SERPINI1: variants seen among roughly 807,000 people sequenced by gnomAD.
SERPINI1 encodes serpin family I member 1, also known as neuroserpin.
Under a neutral mutation model 41.1 loss-of-function variants are expected in SERPINI1, and 19 were observed. That is an observed-to-expected ratio of 0.46 (90% CI 0.32 to 0.68). The LOEUF (loss-of-function observed/expected upper bound fraction) is 0.68. Ranked by LOEUF, SERPINI1 falls within the 30% of genes least tolerant of loss-of-function variation. The probability of loss-of-function intolerance (pLI) is 0.03; values close to 1 mark genes in which losing one functional copy is unlikely to be tolerated. For missense variants in SERPINI1, 460 were observed against 479.2 expected, an observed-to-expected ratio of 0.96 and a Z score of 0.37; for synonymous variants, 138 against 156.6, an observed-to-expected ratio of 0.88 and a Z score of 0.89.
chr3:167,767,341 G>A (rs1726600234), intron 1 of SERPINI1, among the ~76,000 whole-genome samples: 1 of 152,084 alleles, frequency 6.6e-6, no homozygotes, highest in Non-Finnish European at 1.5e-5. Context: ...GGAAAAACAG[G>A]TTCCTTTCAA....
At chr3:167,778,369 C>T (rs1727023680) in intron 1 of SERPINI1, among the ~76,000 whole-genome samples, 1 of 152,132 alleles carries the variant, frequency 6.6e-6, no homozygotes, top group Non-Finnish European at 1.5e-5. Flanking sequence ...CTCAAATTTG[C>T]CTTCCTGAGA....
chr3:167,787,794 C>T lies in SERPINI1; in HGVS notation c.-18-1317C>T, dbSNP rs79430694. On this transcript the variant is annotated intron_variant, in intron 1 of 8. Coordinates refer to ENST00000446050, the MANE Select transcript of SERPINI1 (RefSeq NM_001122752.2). Reference sequence around the variant, plus strand: ...CGTTGGAACTTTTCAGACAAAAAAACTGTTGCTTCTAACATGAAAATGTGA... The same window carrying T: ...CGTTGGAACTTTTCAGACAAAAAAATTGTTGCTTCTAACATGAAAATGTGA... Among the ~76,000 whole-genome samples, 662 of 152,302 alleles carry T rather than the reference C, an allele frequency of 4.3e-3. 6 individuals are homozygous for T. Among genetic ancestry groups the T allele is most frequent in the South Asian group, 8.5e-3 (41 of 4,822 alleles).
At chr3:167,760,191 C>G (rs568138738) in intron 1 of SERPINI1, among the ~76,000 whole-genome samples, 15 of 152,116 alleles carry the variant, frequency 9.9e-5, no homozygotes, top group African/African-American at 3.4e-4. Context: ...TTAGGAATAT[C>G]ATTCTAAGTA....
Position 167,799,067 on chromosome 3 carries a change from A to G in SERPINI1, c.881+4243A>G, listed in dbSNP as rs900707365. Among the ~76,000 whole-genome samples, 5 of 152,096 alleles carry G rather than the reference A, an allele frequency of 3.3e-5. No homozygotes were observed. The South Asian group carries it at 1.0e-3, about 32-fold the overall frequency. On this transcript the variant is annotated intron_variant, in intron 5 of 8. Transcript: ENST00000446050. ...TTTTGAGCTTTCTCTTTATACTTCA[A>G]GTTCTGGGATACATGTGCAGAACAT...
intron 1 of SERPINI1, among the ~76,000 whole-genome samples, chr3:167,761,517 C>T (rs1366758141): frequency 6.6e-6 from 1 of 152,122 alleles, no homozygotes; most frequent in African/African-American, 2.4e-5. Flanking sequence ...TACCTTAACC[C>T]ACCCTCCAAC....
At chr3:167,778,636 G>T (rs902713507) in intron 1 of SERPINI1, among the ~76,000 whole-genome samples, 2 of 152,186 alleles carry the variant, frequency 1.3e-5, no homozygotes, top group Non-Finnish European at 2.9e-5. Flanking sequence ...TGATAATAGT[G>T]ATGTGATTTA....
At chr3:167,757,875 C>T (rs1489633081) in intron 1 of SERPINI1, among the ~76,000 whole-genome samples, 3 of 152,102 alleles carry the variant, frequency 2.0e-5, no homozygotes, top group Non-Finnish European at 2.9e-5. Context: ...GCCGAGATCA[C>T]GCCACTACAC....
chr3:167,793,831 C>CGTGTGTGTGTGTGTGT (rs753115772), intron 4 of SERPINI1, among the ~76,000 whole-genome samples: 3 of 110,570 alleles, frequency 2.7e-5, no homozygotes, highest in East Asian at 4.6e-4. Context: ...TCATTTTGGC[C>CGTGTGTGTGTGTGTGT]ATATGTATGT....
At chr3:167,793,832 A>ATGTGTGTG (rs1727619223) in intron 4 of SERPINI1, among the ~76,000 whole-genome samples, 1 of 122,284 alleles carries the variant, frequency 8.2e-6, no homozygotes, top group Non-Finnish European at 1.7e-5. Context: ...CATTTTGGCC[A>ATGTGTGTG]TATGTATGTG....
intron 5 of SERPINI1, among the ~76,000 whole-genome samples, chr3:167,796,408 C>T: frequency 6.8e-6 from 1 of 147,752 alleles, no homozygotes; most frequent in East Asian, 2.0e-4. Flanking sequence ...AGGTTTGTTA[C>T]ATAGGTAAAC....
intron 1 of SERPINI1, among the ~76,000 whole-genome samples, chr3:167,766,609 C>T (rs1726577350): frequency 6.6e-6 from 1 of 152,174 alleles, no homozygotes; most frequent in African/African-American, 2.4e-5. Flanking sequence ...AAGGAGCAAG[C>T]CAAGTCGTGA....
At chr3:167,761,999 A>G (rs569894858) in intron 1 of SERPINI1, among the ~76,000 whole-genome samples, 92 of 152,220 alleles carry the variant, frequency 6.0e-4, no homozygotes, top group African/African-American at 2.1e-3. Flanking sequence ...CTTTCCCTAT[A>G]AGTAGAATGC....
chr3:167,799,149 C>T (rs757677829), intron 5 of SERPINI1, among the ~76,000 whole-genome samples: 2 of 151,314 alleles, frequency 1.3e-5, no homozygotes, highest in Admixed American at 1.3e-4. Flanking sequence ...CCCATCAACC[C>T]ATCACCTACA....
intron 1 of SERPINI1, among the ~76,000 whole-genome samples, chr3:167,746,065 TCA>T (rs1204599855): frequency 6.6e-6 from 1 of 152,138 alleles, no homozygotes; most frequent in Non-Finnish European, 1.5e-5. Context: ...AACTTAGGAC[TCA>T]CATAGAAATG....
intron 1 of SERPINI1, among the ~76,000 whole-genome samples, chr3:167,753,687 A>G (rs553078229): frequency 3.9e-4 from 60 of 152,220 alleles, no homozygotes; most frequent in Non-Finnish European, 7.5e-4. Context: ...CATGAAGAAT[A>G]TATCATATTC....
chr3:167,767,962 GA>G (rs1726619217), intron 1 of SERPINI1, among the ~76,000 whole-genome samples: 1 of 152,162 alleles, frequency 6.6e-6, no homozygotes, highest in African/African-American at 2.4e-5. Flanking sequence ...GAAATTACAA[GA>G]AAGAATTTAG....
chr3:167,772,568 T>C (rs1726795157), intron 1 of SERPINI1, among the ~76,000 whole-genome samples: 1 of 152,096 alleles, frequency 6.6e-6, no homozygotes, highest in Non-Finnish European at 1.5e-5. Flanking sequence ...ATGTCCATCA[T>C]GTAGTCATTC....
chr3:167,778,524 G>T (rs1468955179), intron 1 of SERPINI1, among the ~76,000 whole-genome samples: 3 of 152,204 alleles, frequency 2.0e-5, no homozygotes, highest in Non-Finnish European at 4.4e-5. Context: ...CACAGGACCA[G>T]TTGGGTCCGT....
In SERPINI1 at chr3:167,792,638, A is replaced by G; in HGVS notation, c.530A>G (p.Tyr177Cys). 6.2e-7 allele frequency: 1 copy of G among 1,613,772 alleles called. No homozygotes were observed. The highest frequency in any genetic ancestry group is 8.5e-7 in the Non-Finnish European group (1 of 1,179,898). Reference sequence around the variant, plus strand: ...CCAAGGGATTTTGATGCTGCCACTTATCTGGCCCTCATTAATGCTGTCTAT... The same window carrying G: ...CCAAGGGATTTTGATGCTGCCACTTGTCTGGCCCTCATTAATGCTGTCTAT... ...VSPRDFDAATYLALINAVYFK... is the reference protein window; with the variant it reads ...VSPRDFDAATCLALINAVYFK... The change falls in exon 4 of 9, where the codon TAT becomes TGT. Residue 177 changes from tyrosine (Y) to cysteine (C), a missense_variant. By Grantham distance (194) the Tyr-to-Cys change is radical. Coordinates refer to ENST00000446050, the MANE Select transcript of SERPINI1 (RefSeq NM_001122752.2).
Sources: gnomAD v4.1 joint callset for allele counts (sites outside exome capture counted in the v4.1 genomes callset) on GRCh38, gnomAD v4.1.1 for gene constraint, MANE v1.5 for transcripts, NCBI Gene and HGNC (gene_info 2026-07-23, HGNC 2026-07-21) for gene names.